Variants in ASTN1 observed in about 807,000 individuals in gnomAD.
The protein encoded by ASTN1 is astrotactin-1.
In ASTN1, 41 loss-of-function variants were observed where a neutral mutation model predicts 140.7. The ratio of observed to expected loss-of-function variants is 0.29; its 90% CI spans 0.23 to 0.38. The LOEUF (loss-of-function observed/expected upper bound fraction) is 0.38. Ranked by LOEUF, ASTN1 falls within the 10% of genes least tolerant of loss-of-function variation. The probability of loss-of-function intolerance (pLI) is 1.00; values close to 1 mark genes in which losing one functional copy is unlikely to be tolerated. For missense variants in ASTN1, 1,479 were observed against 1,678.8 expected (o/e 0.88, Z 2.08); for synonymous variants, 640 against 652.2 (o/e 0.98, Z 0.29).
intron 14 of ASTN1, among the ~76,000 whole-genome samples, chr1:176,937,505 T>G (rs1399213932): frequency 6.6e-6 from 1 of 152,158 alleles, no homozygotes; most frequent in African/African-American, 2.4e-5. Context: ...CTTCCTTGAG[T>G]ACCTTGAAGA....
intron 1 of ASTN1, among the ~76,000 whole-genome samples, chr1:177,143,499 C>T (rs751897386): frequency 5.3e-5 from 8 of 152,122 alleles, no homozygotes; most frequent in Non-Finnish European, 1.0e-4. Context: ...GTCCTAGGAG[C>T]CTCTACCAAG....
intron 2 of ASTN1, among the ~76,000 whole-genome samples, chr1:177,033,123 C>CTGTGTG (rs10603141): frequency 0.088 from 12,824 of 146,214 alleles, 808 homozygotes; most frequent in East Asian, 0.31. Flanking sequence ...AGAAACAAGT[C>CTGTGTG]TGTGTGTGTG....
intron 1 of ASTN1, among the ~76,000 whole-genome samples, chr1:177,129,734 C>A (rs1159459158): frequency 6.6e-6 from 1 of 152,094 alleles, no homozygotes. Flanking sequence ...TTTGGGAGGC[C>A]GAGGCGGGCA....
chr1:177,140,045 A>T (rs1682391406), intron 1 of ASTN1, among the ~76,000 whole-genome samples: 1 of 152,210 alleles, frequency 6.6e-6, no homozygotes, highest in African/African-American at 2.4e-5. Flanking sequence ...TTTTGAACTC[A>T]AAAATGTCCA....
intron 2 of ASTN1, among the ~76,000 whole-genome samples, chr1:177,051,444 G>A (rs1450792240): frequency 1.3e-5 from 2 of 152,210 alleles, no homozygotes; most frequent in Non-Finnish European, 2.9e-5. Flanking sequence ...CACTACATTG[G>A]CAAGAGATGA....
At chr1:177,147,215 G>T (rs1682757843) in intron 1 of ASTN1, among the ~76,000 whole-genome samples, 1 of 152,106 alleles carries the variant, frequency 6.6e-6, no homozygotes, top group African/African-American at 2.4e-5. Flanking sequence ...GATGAAAATA[G>T]TTTTCACTAC....
At chr1:176,884,248 C>A in intron 19 of ASTN1, 91 bp downstream of exon 19, 1 of 1,459,908 alleles carries the variant, frequency 6.8e-7, no homozygotes, top group South Asian at 1.4e-5. Context: ...ATACTGGGGA[C>A]CTGGAGCAAA....
intron 21 of ASTN1, among the ~76,000 whole-genome samples, chr1:176,872,303 T>G (rs1278019876): frequency 2.0e-5 from 3 of 152,186 alleles, no homozygotes; most frequent in Non-Finnish European, 4.4e-5. Context: ...CTGACAGTTT[T>G]CTATGTACGT....
chr1:176,866,850 A>G (rs574268796), intron 22 of ASTN1, among the ~76,000 whole-genome samples: 2 of 152,332 alleles, frequency 1.3e-5, no homozygotes, highest in East Asian at 3.9e-4. Flanking sequence ...GTAAGTAGCC[A>G]TAGACCCTTT....
At chr1:177,103,276 T>G (rs1680386646) in intron 1 of ASTN1, among the ~76,000 whole-genome samples, 1 of 152,170 alleles carries the variant, frequency 6.6e-6, no homozygotes, top group Non-Finnish European at 1.5e-5. Context: ...GATGTGAAGT[T>G]ATATTTGGGG....
intron 1 of ASTN1, among the ~76,000 whole-genome samples, chr1:177,072,398 C>T (rs1057183435): frequency 6.6e-6 from 1 of 152,138 alleles, no homozygotes; most frequent in African/African-American, 2.4e-5. Flanking sequence ...AAAGACTCTC[C>T]ACACTGCCTT....
intron 1 of ASTN1, among the ~76,000 whole-genome samples, chr1:177,076,292 A>AAAAAG (rs1553253135): frequency 6.7e-6 from 1 of 149,664 alleles, no homozygotes; most frequent in African/African-American, 2.5e-5. Context: ...AAAAAAAAAA[A>AAAAAG]AAAGAAAGAA....
At chr1:176,881,738 T>C (rs557880720) in intron 20 of ASTN1, among the ~76,000 whole-genome samples, 1 of 152,252 alleles carries the variant, frequency 6.6e-6, no homozygotes, top group Non-Finnish European at 1.5e-5. Context: ...CTTGTGTTTA[T>C]GTACTTTACT....
rs1390232462 is a variant in ASTN1 at position 176,871,130 on chromosome 1, T to C, written c.3464-2103A>G. ...ATGGAAAATCTGGGATGACTCTCTCTAGTCATGAGCATTGCACTGATTGGG... is the reference window on the plus strand; with the variant it reads ...ATGGAAAATCTGGGATGACTCTCTCCAGTCATGAGCATTGCACTGATTGGG... On this transcript the variant is annotated intron_variant, in intron 21 of 22. Transcript: ENST00000361833. Among the ~76,000 whole-genome samples the C allele has an allele frequency of 3.3e-5, 5 of 152,180 alleles. No homozygotes were observed. In the East Asian group the frequency reaches 9.6e-4, roughly 29 times the overall value.
chr1:177,056,374 G>A (rs1416319751), intron 2 of ASTN1, among the ~76,000 whole-genome samples: 3 of 152,070 alleles, frequency 2.0e-5, no homozygotes, highest in East Asian at 3.9e-4. Flanking sequence ...CAGAAACAGG[G>A]AGCCTGGGGG....
At chr1:177,039,746 A>T (rs7514216) in intron 2 of ASTN1, among the ~76,000 whole-genome samples, 3,169 of 152,330 alleles carry the variant, frequency 0.021, 121 homozygotes, top group African/African-American at 0.071. Context: ...TGACTCTTCC[A>T]ATCTGAAAAT....
intron 1 of ASTN1, among the ~76,000 whole-genome samples, chr1:177,083,821 T>C (rs1422344313): frequency 6.6e-6 from 1 of 152,124 alleles, no homozygotes; most frequent in Non-Finnish European, 1.5e-5. Context: ...TGCCAGGAAG[T>C]CCTAACACCA....
chr1:177,014,975 T>G, intron 7 of ASTN1, 100 bp from the exon 8 acceptor site: 7 of 1,041,036 alleles, frequency 6.7e-6, no homozygotes, highest in Non-Finnish European at 1.0e-5. Flanking sequence ...GGTAAACTCT[T>G]ACTCTGATAT....
intron 8 of ASTN1, among the ~76,000 whole-genome samples, chr1:176,980,343 G>T (rs950968494): frequency 6.6e-6 from 1 of 152,162 alleles, no homozygotes; most frequent in Non-Finnish European, 1.5e-5. Context: ...GTCTGGGAAA[G>T]AGCTGAGGCC....
Sources: allele counts gnomAD v4.1 joint callset (sites outside exome capture counted in the v4.1 genomes callset), GRCh38; gene constraint gnomAD v4.1.1; transcripts MANE v1.5; gene names NCBI Gene and HGNC (gene_info 2026-07-23, HGNC 2026-07-21).